KLHL14: variants seen among roughly 807,000 people sequenced by gnomAD.
KLHL14 encodes kelch like family member 14.
In KLHL14, 22 loss-of-function variants were observed where a neutral mutation model predicts 64.3. That is an observed-to-expected ratio of 0.34 (90% confidence interval 0.24 to 0.49). The LOEUF (loss-of-function observed/expected upper bound fraction) is 0.49, where lower values mean the gene tolerates loss of function less well. KLHL14 is among the 20% of genes least tolerant of loss of function. The pLI is 0.99. For missense variants in KLHL14, 661 were observed against 789.0 expected (o/e 0.84, Z 1.94); for synonymous variants, 322 against 333.4 (o/e 0.97, Z 0.37).
intron 3 of KLHL14, among the ~76,000 whole-genome samples, chr18:32,725,788 C>T (rs188213023): frequency 6.6e-4 from 100 of 152,352 alleles, no homozygotes; most frequent in African/African-American, 2.3e-3. Context: ...AGAGTCAGTA[C>T]AGCTTGTGAC....
intron 1 of KLHL14, among the ~76,000 whole-genome samples, chr18:32,771,592 C>A (rs1288963061): frequency 2.6e-5 from 4 of 152,060 alleles, no homozygotes; most frequent in Non-Finnish European, 5.9e-5. Context: ...CCCCTTCCAG[C>A]GAGGGGCGGC....
At chr18:32,771,019 C>A in intron 1 of KLHL14, 1 of 367,422 alleles carries the variant, frequency 2.7e-6, no homozygotes, top group Non-Finnish European at 5.5e-6. Flanking sequence ...GGGCTCGTGT[C>A]CATGCCGGGC....
At chr18:32,752,023 A>G (rs1341145209) in intron 2 of KLHL14, among the ~76,000 whole-genome samples, 5 of 152,136 alleles carry the variant, frequency 3.3e-5, no homozygotes, top group Non-Finnish European at 7.4e-5. Context: ...GCTACTCAGG[A>G]GGCTGAGGCG....
intron 8 of KLHL14, among the ~76,000 whole-genome samples, 184 bp downstream of exon 8, chr18:32,676,989 A>G (rs2049814306): frequency 6.6e-6 from 1 of 152,202 alleles, no homozygotes. Context: ...GCTGTTGATC[A>G]GCTAGCAAGC....
intron 4 of KLHL14, among the ~76,000 whole-genome samples, chr18:32,688,050 T>C (rs1173099909): frequency 2.0e-5 from 3 of 152,230 alleles, no homozygotes; most frequent in African/African-American, 7.2e-5. Flanking sequence ...AGCATGGTAA[T>C]GCCTCCAAGG....
At chr18:32,759,385 C>T (rs924345981) in intron 2 of KLHL14, among the ~76,000 whole-genome samples, 1 of 152,108 alleles carries the variant, frequency 6.6e-6, no homozygotes, top group Non-Finnish European at 1.5e-5. Context: ...AACAAGTGAA[C>T]AGAAAGGCAA....
intron 2 of KLHL14, among the ~76,000 whole-genome samples, chr18:32,765,102 C>T (rs2050334238): frequency 6.6e-6 from 1 of 152,166 alleles, no homozygotes; most frequent in Non-Finnish European, 1.5e-5. Flanking sequence ...TGCTTAACTG[C>T]TCTGTGCATC....
At chr18:32,733,689 C>T (rs2050148005) in intron 3 of KLHL14, 1 of 159,704 alleles carries the variant, frequency 6.3e-6, no homozygotes, top group African/African-American at 2.4e-5. Context: ...TCACTTCAGA[C>T]ATGGCCAATG....
chr18:32,761,294 A>G lies in KLHL14; in HGVS notation c.947+8351T>C, dbSNP rs534369271. Reference sequence around the variant, plus strand: ...AACTGAAAAACATGCTGATTTTTCCATTTTAAAATGTATCTATGCAGTAAA... The same window carrying G: ...AACTGAAAAACATGCTGATTTTTCCGTTTTAAAATGTATCTATGCAGTAAA... On this transcript the variant is annotated intron_variant, in intron 2 of 8. Transcript: ENST00000359358. 9.9e-5 allele frequency among the ~76,000 whole-genome samples: 15 copies of G among 151,880 alleles called. No homozygotes were observed. The South Asian group carries it at 3.1e-3, about 32-fold the overall frequency.
rs1361509183 is a variant in KLHL14 at position 32,683,133 on chromosome 18, A to G, written c.1239-2534T>C. Among the ~76,000 whole-genome samples, 2 of 152,038 alleles carry G rather than the reference A, an allele frequency of 1.3e-5. No individual in the cohort carries two copies. The highest frequency in any genetic ancestry group is 2.9e-5 in the Non-Finnish European group (2 of 67,978). On this transcript the variant is annotated intron_variant, in intron 5 of 8. Transcript: ENST00000359358. This position sits in a 1 kb window ranked among gnomAD's most constrained non-coding sequence, Gnocchi z 4.2. ...AAAATTCAGTTTTTTTTCACTTTTT[A>G]TGATCTGGTTCCTTCCTCACCGTGA...
At chr18:32,687,346 G>A (rs2144475972) in intron 4 of KLHL14, 113 bp from the exon 5 acceptor site, 1 of 846,376 alleles carries the variant, frequency 1.2e-6, no homozygotes, top group Non-Finnish European at 2.0e-6. Context: ...GATGAATTAA[G>A]TAGAGGGAAT....
rs1178135771 is a variant in KLHL14 at position 32,673,141 on chromosome 18, T to A, written c.*1516A>T. Reference sequence around the variant, plus strand: ...GATCCTTTGGATCTGAACATACAAATAAATACAAAAACAACGAAGATTGCA... The same window carrying A: ...GATCCTTTGGATCTGAACATACAAAAAAATACAAAAACAACGAAGATTGCA... On this transcript the variant is annotated 3_prime_UTR_variant, in exon 9 of 9. Transcript: ENST00000359358. The A allele has an allele frequency of 6.6e-6, 1 of 152,536 alleles. No individual in the cohort carries two copies. The highest frequency in any genetic ancestry group is 1.5e-5 in the Non-Finnish European group (1 of 68,014). 9.4% of individuals were successfully genotyped at this position (152,536 alleles called of 1,614,324 possible).
intron 5 of KLHL14, among the ~76,000 whole-genome samples, chr18:32,686,521 G>A (rs752625205): frequency 1.3e-5 from 2 of 152,026 alleles, no homozygotes; most frequent in Non-Finnish European, 1.5e-5. Context: ...AGACTTGGTC[G>A]AGATAACTAC....
At chr18:32,675,470 A>G (rs778140824) in intron 8 of KLHL14, among the ~76,000 whole-genome samples, 4 of 152,234 alleles carry the variant, frequency 2.6e-5, no homozygotes, top group Non-Finnish European at 5.9e-5. Context: ...ATTATATTTC[A>G]GATTGTTGTC....
At chr18:32,693,321 G>T (rs2049917973) in intron 4 of KLHL14, among the ~76,000 whole-genome samples, 1 of 139,106 alleles carries the variant, frequency 7.2e-6, no homozygotes, top group Non-Finnish European at 1.5e-5. Context: ...AATGAGTCAG[G>T]GACACAATGA....
chr18:32,754,422 G>A (rs1354662783), intron 2 of KLHL14, among the ~76,000 whole-genome samples: 1 of 152,070 alleles, frequency 6.6e-6, no homozygotes, highest in African/African-American at 2.4e-5. Context: ...AAGACACCAA[G>A]GTCACAAAAT....
Position 32,684,704 on chromosome 18 carries a change from TC to T in KLHL14, c.1238+2450del, listed in dbSNP as rs1453978335. Among the ~76,000 whole-genome samples, 9 of 150,320 alleles carry T rather than the reference TC, an allele frequency of 6.0e-5. No individual in the cohort carries two copies. The East Asian group carries it at 1.8e-3, about 29-fold the overall frequency. ...AGTGGAAGAGGGTAGGCGGGGAACT[TC>T]CGGTTTCATTCATGATCTACACAAT... is the stretch of plus-strand genomic sequence containing the variant. On this transcript the variant is annotated intron_variant, in intron 5 of 8. Transcript: ENST00000359358.
At position 32,691,763 on chromosome 18, in the gene KLHL14, A is replaced by G. The variant is rs76705101; in HGVS notation, c.1159+3700T>C. Among the ~76,000 whole-genome samples, 1,469 of 152,290 alleles carry G rather than the reference A, an allele frequency of 9.6e-3. 17 individuals are homozygous for G. The highest frequency in any genetic ancestry group is 0.034 in the African/African-American group (1,399 of 41,552). ...AGCTTGAGAGTGGCAGCCATATGCT[A>G]TGAAATTTTGGATTATCCTTCACAC... On this transcript the variant is annotated intron_variant, in intron 4 of 8. Transcript: ENST00000359358.
At chr18:32,694,169 T>C (rs939621512) in intron 4 of KLHL14, among the ~76,000 whole-genome samples, 1 of 152,164 alleles carries the variant, frequency 6.6e-6, no homozygotes, top group Admixed American at 6.5e-5. Context: ...GATGTTCCTG[T>C]TTTCTCTTGT....
Sources: gnomAD v4.1 joint callset for allele counts (sites outside exome capture counted in the v4.1 genomes callset) on GRCh38, gnomAD v4.1.1 for gene constraint, Gnocchi (gnomAD v3.1) non-coding constraint, MANE v1.5 for transcripts, NCBI Gene and HGNC (gene_info 2026-07-23, HGNC 2026-07-21) for gene names.